Variants in LRRC27 observed in about 807,000 individuals in gnomAD.
LRRC27 encodes the protein leucine-rich repeat-containing protein 27.
A neutral mutation model predicts 55.0 loss-of-function variants in LRRC27; 57 were observed. The observed-to-expected ratio is 1.04, with a 90% CI of 0.84 to 1.29. The LOEUF is 1.29. LRRC27 is among the 50% of genes most tolerant of loss of function. The pLI, the probability that LRRC27 is intolerant of heterozygous loss-of-function variation, is 0.00. For synonymous variants in LRRC27, 278 were observed against 251.9 expected, an observed-to-expected ratio of 1.10 and a Z score of -0.98; for missense variants, 721 against 651.5, an observed-to-expected ratio of 1.11 and a Z score of -1.16.
chr10:132,381,183 G>C lies in LRRC27; in HGVS notation c.*5941G>C, dbSNP rs1176493879. On this transcript the variant is annotated 3_prime_UTR_variant, in exon 11 of 11. Coordinates refer to ENST00000368614, the MANE Select transcript of LRRC27 (RefSeq NM_030626.3). ...CTGCCAGCATGGCTGGAAAAAGCAGGCAGAAGAAGGTGGCTGAAGCTGACT... is the reference window on the plus strand; with the variant it reads ...CTGCCAGCATGGCTGGAAAAAGCAGCCAGAAGAAGGTGGCTGAAGCTGACT... 6.6e-6 allele frequency among the ~76,000 whole-genome samples: 1 copy of C among 152,244 alleles called. No individual in the cohort carries two copies. The highest frequency in any genetic ancestry group is 2.4e-5 in the African/African-American group (1 of 41,462).
At chr10:132,355,664 A>G in intron 7 of LRRC27, 126 bp from the exon 8 acceptor site, 2 of 670,122 alleles carry the variant, frequency 3.0e-6, no homozygotes, top group Admixed American at 2.3e-5. Context: ...CCCGGAGGGC[A>G]TGCACGCCCC....
Position 132,365,469 on chromosome 10 carries a change from C to A in LRRC27, c.1335C>A (p.Val445=). ...RNLEEKIKQH[V]LQMREQRRFH... The stretch of plus-strand genomic sequence containing the variant: ...TAGAAGAGAAGATAAAACAGCACGT[C>A]CTCCAAATGCGTGAGCAAAGAAGAT... The change falls in exon 10 of 11, where the codon GTC becomes GTA. Residue 445 remains valine (V), a synonymous_variant. Coordinates refer to ENST00000368614, the MANE Select transcript of LRRC27 (RefSeq NM_030626.3). 6.2e-7 allele frequency: 1 copy of A among 1,613,740 alleles called. No homozygotes were observed. The highest frequency in any genetic ancestry group is 1.7e-5 in the Admixed American group (1 of 60,026).
chr10:132,349,015 C>T (rs770817098), intron 6 of LRRC27: 8 of 1,611,106 alleles, frequency 5.0e-6, no homozygotes, highest in African/African-American at 4.0e-5. Flanking sequence ...GAGAAAAACT[C>T]GAATCATGGG....
In LRRC27 at chr10:132,381,005, G is replaced by C. The variant is rs1463763731; in HGVS notation, c.*5763G>C. 6.6e-6 allele frequency among the ~76,000 whole-genome samples: 1 copy of C among 152,228 alleles called. No individual in the cohort carries two copies. Among genetic ancestry groups the C allele is most frequent in the Non-Finnish European group, 1.5e-5 (1 of 68,038 alleles). ...GAATGCAGCTTTTATGTGGGTATAG[G>C]ATTGCTGTGTGTGATGGTTCATATT... is the stretch of plus-strand genomic sequence containing the variant. On this transcript the variant is annotated 3_prime_UTR_variant, in exon 11 of 11. Coordinates refer to ENST00000368614, the MANE Select transcript of LRRC27 (RefSeq NM_030626.3).
chr10:132,342,148 T>C (rs2067446122), intron 3 of LRRC27, 65 bp from the exon 4 acceptor site: 1 of 981,150 alleles, frequency 1.0e-6, no homozygotes, highest in Non-Finnish European at 1.5e-6. Flanking sequence ...AACTTGATGG[T>C]ATATTTTGGA....
chr10:132,331,860 G>C (rs778201107), upstream of LRRC27: 2 of 1,388,362 alleles, frequency 1.4e-6, no homozygotes, highest in East Asian at 4.8e-5. Context: ...GCTACCGTTG[G>C]CCGCGTGCGT....
intron 9 of LRRC27, among the ~76,000 whole-genome samples, chr10:132,363,545 C>G (rs1016382578): frequency 6.6e-6 from 1 of 152,184 alleles, no homozygotes; most frequent in Non-Finnish European, 1.5e-5. Context: ...CAAGGCTGGC[C>G]TCAGGGAGAC....
intron 9 of LRRC27, among the ~76,000 whole-genome samples, chr10:132,363,487 C>G (rs2068745428): frequency 6.6e-6 from 1 of 152,188 alleles, no homozygotes; most frequent in Non-Finnish European, 1.5e-5. Flanking sequence ...CCCATGCCGA[C>G]TCTTCAGCTG....
At chr10:132,356,618 T>C (rs1052092179) in intron 8 of LRRC27, among the ~76,000 whole-genome samples, 19 of 150,932 alleles carry the variant, frequency 1.3e-4, no homozygotes, top group Admixed American at 2.0e-4. Flanking sequence ...CTGAGTACCG[T>C]CCCCCAAGAT....
At chr10:132,349,165 A>G in intron 6 of LRRC27, 2 of 801,602 alleles carry the variant, frequency 2.5e-6, no homozygotes, top group Admixed American at 4.3e-5. Flanking sequence ...GTGAATCTAG[A>G]TCATGCATTC....
At position 132,336,794 on chromosome 10, in the gene LRRC27, G is replaced by T. The variant is rs753420397; in HGVS notation, c.211-771G>T. 1.7e-5 allele frequency: 13 copies of T among 772,200 alleles called. No homozygotes were observed. In the East Asian group the frequency reaches 2.4e-4, roughly 14 times the overall value. The allele number at this position is 772,200 out of a possible 1,614,324, so 47.8% of individuals were successfully genotyped here. A position where few individuals can be genotyped will look rare whatever the true frequency, so the allele number is the denominator to read the frequency against. On this transcript the variant is annotated intron_variant, in intron 2 of 10. Transcript: ENST00000368614. ...CGAACATCTGTTTCTACTCCCTCAG[G>T]AAATACAGATATGGATATAAATACA...
At chr10:132,346,146 G>A (rs1260733306) in intron 5 of LRRC27, among the ~76,000 whole-genome samples, 2 of 152,218 alleles carry the variant, frequency 1.3e-5, no homozygotes, top group Non-Finnish European at 2.9e-5. Context: ...AGGGCGGGTA[G>A]GCTCATGGGG....
At chr10:132,349,247 G>A (rs1377596076) in intron 6 of LRRC27, among the ~76,000 whole-genome samples, 2 of 152,190 alleles carry the variant, frequency 1.3e-5, no homozygotes, top group African/African-American at 2.4e-5. Flanking sequence ...GGAGGCCGCA[G>A]TGGTCTGTGG....
At chr10:132,332,050 A>AC (rs1352160996), upstream of LRRC27, 8 of 249,662 alleles carry the variant, frequency 3.2e-5, no homozygotes, top group Non-Finnish European at 6.1e-5. Flanking sequence ...GCAGGCACAA[A>AC]CCCCCACAAC....
intron 2 of LRRC27, 116 bp from the exon 3 acceptor site, chr10:132,337,449 C>T: frequency 1.4e-6 from 2 of 1,452,334 alleles, no homozygotes; most frequent in Non-Finnish European, 1.8e-6. Flanking sequence ...TGTTTTTTAA[C>T]TTAGTATATA....
Position 132,375,256 on chromosome 10 carries a change from G to A in LRRC27, c.*14G>A, listed in dbSNP as rs369577419. The A allele has an allele frequency of 3.7e-6, 6 of 1,604,358 alleles. No individual in the cohort carries two copies. The highest frequency in any genetic ancestry group is 5.1e-6 in the Non-Finnish European group (6 of 1,174,118). ...AGATACCAGTGACACCAGGTGGCTG[G>A]ACTGATGGAGACGTCTTCAGACAGG... On this transcript the variant is annotated 3_prime_UTR_variant, in exon 11 of 11. Coordinates refer to ENST00000368614, the MANE Select transcript of LRRC27 (RefSeq NM_030626.3).
At chr10:132,331,542 T>G (rs746655302), upstream of LRRC27, 1 of 1,612,870 alleles carries the variant, frequency 6.2e-7, no homozygotes, top group East Asian at 2.2e-5. Flanking sequence ...AGGCAAGATT[T>G]GGGGACAAGC....
chr10:132,330,422 T>G, upstream of LRRC27: 3 of 717,194 alleles, frequency 4.2e-6, no homozygotes, highest in African/African-American at 1.7e-5. Context: ...ATTCTCTCCT[T>G]GCTCTGCCCG....
intron 9 of LRRC27, 63 bp downstream of exon 9, chr10:132,361,638 CTGT>C: frequency 8.2e-7 from 1 of 1,225,208 alleles, no homozygotes; most frequent in Non-Finnish European, 1.2e-6. Context: ...CGGGCAGGTG[CTGT>C]TGTTTATTTC....
Sources: gnomAD v4.1 joint callset for allele counts (sites outside exome capture counted in the v4.1 genomes callset) on GRCh38, gnomAD v4.1.1 for gene constraint, MANE v1.5 for transcripts, NCBI Gene and HGNC (gene_info 2026-07-23, HGNC 2026-07-21) for gene names.